VPS72: variants seen among roughly 807,000 people sequenced by gnomAD.
The protein encoded by VPS72 is vacuolar protein sorting 72 homolog.
VPS72 carries 27 observed loss-of-function variants against 38.9 expected under a neutral mutation model. The ratio of observed to expected loss-of-function variants is 0.69; its 90% CI spans 0.51 to 0.96. VPS72 has a LOEUF of 0.96. VPS72 is among the 40% of genes least tolerant of loss of function. The pLI, the probability that VPS72 is intolerant of heterozygous loss-of-function variation, is 0.00. For synonymous variants in VPS72, 173 were observed against 186.3 expected (o/e 0.93, Z 0.58); for missense variants, 360 against 479.5 (o/e 0.75, Z 2.33).
chr1:151,186,204 G>C (rs1028716833), intron 1 of VPS72, among the ~76,000 whole-genome samples: 1 of 151,868 alleles, frequency 6.6e-6, no homozygotes, highest in Admixed American at 6.6e-5. Flanking sequence ...ATATGGTTTG[G>C]TCTCTACCTT....
At chr1:151,178,814 C>G (rs1684174199) in intron 4 of VPS72, among the ~76,000 whole-genome samples, 1 of 152,182 alleles carries the variant, frequency 6.6e-6, no homozygotes, top group African/African-American at 2.4e-5. Flanking sequence ...CTCTGGCTGG[C>G]TGCACACTTC....
chr1:151,180,142 G>T (rs1289259947), intron 4 of VPS72, among the ~76,000 whole-genome samples: 1 of 151,662 alleles, frequency 6.6e-6, no homozygotes, highest in Non-Finnish European at 1.5e-5. Context: ...AACATGGTGA[G>T]ACCCTGTCTC....
intron 5 of VPS72, 33 bp from the exon 6 acceptor site, chr1:151,177,064 G>A (rs767133761): frequency 1.2e-5 from 18 of 1,519,148 alleles, no homozygotes; most frequent in Non-Finnish European, 1.5e-5. Context: ...AACACAAAGA[G>A]CTGAGGAGAG....
chr1:151,179,813 C>G (rs982008859), intron 4 of VPS72, among the ~76,000 whole-genome samples: 6 of 152,088 alleles, frequency 3.9e-5, no homozygotes, highest in African/African-American at 1.4e-4. Context: ...ATTGCTTGAA[C>G]CTGGGAGGCG....
chr1:151,188,173 A>G (rs1684392374), intron 1 of VPS72, among the ~76,000 whole-genome samples: 1 of 152,058 alleles, frequency 6.6e-6, no homozygotes, highest in South Asian at 2.1e-4. Flanking sequence ...AGTAGCTGGA[A>G]TTACAGGCAC....
At chr1:151,180,119 G>A (rs1684207740) in intron 4 of VPS72, among the ~76,000 whole-genome samples, 1 of 151,962 alleles carries the variant, frequency 6.6e-6, no homozygotes, top group East Asian at 1.9e-4. Context: ...AGGAGTTTGA[G>A]ACAGACCTGG....
At chr1:151,184,016 A>G (rs1428278671) in intron 4 of VPS72, among the ~76,000 whole-genome samples, 1 of 152,106 alleles carries the variant, frequency 6.6e-6, no homozygotes, top group Non-Finnish European at 1.5e-5. Context: ...TTTTATAAAC[A>G]AGAAAAGCAA....
At chr1:151,182,392 C>T (rs1684259846) in intron 4 of VPS72, among the ~76,000 whole-genome samples, 1 of 152,148 alleles carries the variant, frequency 6.6e-6, no homozygotes, top group Non-Finnish European at 1.5e-5. Context: ...GCTCTGGTTC[C>T]CAGCCTTGCC....
intron 1 of VPS72, among the ~76,000 whole-genome samples, chr1:151,189,714 A>T (rs1252205995): frequency 2.6e-5 from 4 of 152,108 alleles, no homozygotes; most frequent in Non-Finnish European, 5.9e-5. Flanking sequence ...ACAGTGAAAG[A>T]TGCAACCACG....
Position 151,182,035 on chromosome 1 carries a change from CT to C in VPS72, c.562+2281del, listed in dbSNP as rs755578652. 6.0e-5 allele frequency among the ~76,000 whole-genome samples: 9 copies of C among 151,136 alleles called. No individual in the cohort carries two copies. The South Asian group carries it at 1.0e-3, about 18-fold the overall frequency. On this transcript the variant is annotated intron_variant, in intron 4 of 5. Coordinates refer to ENST00000368892, the MANE Select transcript of VPS72 (RefSeq NM_005997.3). ...CACTCAGCTAAGCCACACTTTCTTTCTTTTTTTTTGAGACAGAGTTTCACTC... is the reference window on the plus strand; with the variant it reads ...CACTCAGCTAAGCCACACTTTCTTTCTTTTTTTTGAGACAGAGTTTCACTC...
At chr1:151,188,005 T>C (rs587745849) in intron 1 of VPS72, among the ~76,000 whole-genome samples, 2 of 151,682 alleles carry the variant, frequency 1.3e-5, no homozygotes, top group South Asian at 4.2e-4. Flanking sequence ...TTAAACTAGT[T>C]GGTTAGGGCT....
chr1:151,184,399 C>A lies in VPS72; in HGVS notation c.480G>T (p.Gly160=). 6.2e-7 allele frequency: 1 copy of A among 1,614,044 alleles called. No individual in the cohort carries two copies. The highest frequency in any genetic ancestry group is 8.5e-7 in the Non-Finnish European group (1 of 1,180,030). ...ERQGQSRRRK[G]PHCERPLTQE... is the part of the protein sequence containing the mutation. ...GGGTTAGTGGCCGCTCACAGTGGGG[C>A]CCCTTTCGCCGTCTTGACTGGCCCT... The change falls in exon 4 of 6, where the codon GGG becomes GGT. Residue 160 remains glycine, a synonymous_variant. Coordinates refer to ENST00000368892, the MANE Select transcript of VPS72 (RefSeq NM_005997.3).
intron 4 of VPS72, 96 bp downstream of exon 4, chr1:151,184,221 A>G (rs1239292057): frequency 1.3e-6 from 2 of 1,489,400 alleles, no homozygotes; most frequent in Non-Finnish European, 9.1e-7. Flanking sequence ...ATCATCCCAA[A>G]TTTCCATCTC....
At position 151,176,701 on chromosome 1, in the gene VPS72, A is replaced by C; in HGVS notation, c.1038T>G (p.Pro346=). The change falls in exon 6 of 6, where the codon CCT becomes CCG. Residue 346 remains proline (P), a synonymous_variant. Transcript: ENST00000368892. ...ASALGPGPPP[P]EPLPGSGPRA... is the part of the protein sequence containing the mutation. ...GGGGCCCAGAGCCAGGGAGGGGCTC[A>C]GGAGGTGGCGGGCCGGGGCCCAGGG... The C allele has an allele frequency of 6.2e-7, 1 of 1,614,150 alleles. No individual in the cohort carries two copies. Among genetic ancestry groups the C allele is most frequent in the Non-Finnish European group, 8.5e-7 (1 of 1,180,034 alleles).
chr1:151,184,821 G>A (rs1358897397), intron 3 of VPS72, among the ~76,000 whole-genome samples: 10 of 152,010 alleles, frequency 6.6e-5, no homozygotes, highest in African/African-American at 1.7e-4. Context: ...TACTGACCTC[G>A]TGATCTGCCT....
chr1:151,181,722 A>G (rs1218358987), intron 4 of VPS72, among the ~76,000 whole-genome samples: 3 of 152,152 alleles, frequency 2.0e-5, no homozygotes, highest in African/African-American at 7.2e-5. Flanking sequence ...AGGTCCCTCA[A>G]TACTGCTCAA....
Position 151,185,967 on chromosome 1 carries a change from A to G in VPS72, c.118-17T>C. On this transcript the variant is annotated splice_polypyrimidine_tract_variant and intron_variant, in intron 1 of 5. Transcript: ENST00000368892. Reference sequence around the variant, plus strand: ...TCCGGATTCCTAAGGACACAGGGAGATAAGGGTTGGCTGGCAATGGAAGCC... The same window carrying G: ...TCCGGATTCCTAAGGACACAGGGAGGTAAGGGTTGGCTGGCAATGGAAGCC... The G allele has an allele frequency of 6.2e-7, 1 of 1,612,540 alleles. No individual in the cohort carries two copies. The highest frequency in any genetic ancestry group is 8.5e-7 in the Non-Finnish European group (1 of 1,179,470).
Position 151,188,276 on chromosome 1 carries a change from T to TCCACC in VPS72, c.117+1724_117+1728dup, listed in dbSNP as rs587652614. 6.0e-4 allele frequency among the ~76,000 whole-genome samples: 91 copies of TCCACC among 152,282 alleles called. No homozygotes were observed. The South Asian group carries it at 0.018, about 31-fold the overall frequency. On this transcript the variant is annotated intron_variant, in intron 1 of 5. Coordinates refer to ENST00000368892, the MANE Select transcript of VPS72 (RefSeq NM_005997.3). ...TGGTCTCGAACTCCTGACCTCGTGA[T>TCCACC]CCACCCGCCTCAGCCTCCCAAAGTG...
rs377588091 is a variant in VPS72 at position 151,176,967 on chromosome 1, G to C, written c.772C>G (p.Pro258Ala). The C allele has an allele frequency of 1.2e-6, 2 of 1,606,912 alleles. No individual in the cohort carries two copies. Among genetic ancestry groups the C allele is most frequent in the Non-Finnish European group, 1.7e-6 (2 of 1,175,240 alleles). The part of the protein sequence containing the change: ...PHAGTGPVNP[P>A]ARCSRTFITF... ...ATGAAGGTACGTGAGCAGCGAGCAG[G>C]GGGGTTGACGGGTCCAGTCCCAGCA... is the stretch of plus-strand genomic sequence containing the variant. Residue 258 changes from proline (P) to alanine (A), a missense_variant, in exon 6 of 6, where the codon CCT becomes GCT. Around this residue, in one of 2 missense-constraint regions of VPS72, gnomAD observed 294 missense variants for 356.3 expected, o/e 0.83. Transcript: ENST00000368892.
Sources: gnomAD v4.1 joint callset for allele counts (sites outside exome capture counted in the v4.1 genomes callset) on GRCh38, gnomAD v4.1.1 for gene constraint, gnomAD v4.1.1 regional missense constraint, MANE v1.5 for transcripts, NCBI Gene and HGNC (gene_info 2026-07-23, HGNC 2026-07-21) for gene names.